The following POFUT1 variants were observed in gnomAD, a reference collection of about 807,000 sequenced individuals.
The protein encoded by POFUT1 is GDP-fucose protein O-fucosyltransferase 1.
In POFUT1, 16 loss-of-function variants were observed where a neutral mutation model predicts 42.4. The ratio of observed to expected loss-of-function variants is 0.38; its 90% confidence interval spans 0.26 to 0.57. The LOEUF (loss-of-function observed/expected upper bound fraction) is 0.57. POFUT1 is among the 20% of genes least tolerant of loss of function. The probability of loss-of-function intolerance (pLI) is 0.71; values close to 1 mark genes in which losing one functional copy is unlikely to be tolerated. For missense variants in POFUT1, 470 were observed against 504.6 expected (o/e 0.93, Z 0.66); for synonymous variants, 206 against 205.4 (o/e 1.00, Z -0.03).
rs1172395149 is a variant in POFUT1, at chr20:32,230,882, T to G, written c.799T>G (p.Cys267Gly). ...CTCGCACTTCATGGCCTCTCCGCAGTGTGTGGGCTACAGCCGCAGCACAGC... is the reference window on the plus strand; with the variant it reads ...CTCGCACTTCATGGCCTCTCCGCAGGGTGTGGGCTACAGCCGCAGCACAGC... ...AGSHFMASPQCVGYSRSTAAP... is the reference protein window; with the variant it reads ...AGSHFMASPQGVGYSRSTAAP... The change falls in exon 6 of 7, where the codon TGT (cysteine) becomes GGT (glycine). Residue 267 changes from cysteine to glycine, a missense_variant. Physicochemically the swap from Cys to Gly is radical, Grantham distance 159. Coordinates refer to ENST00000375749, the MANE Select transcript of POFUT1 (RefSeq NM_015352.2). 1.9e-6 allele frequency: 3 copies of G among 1,614,082 alleles called. No individual in the cohort carries two copies. Among genetic ancestry groups the G allele is most frequent in the Non-Finnish European group, 2.5e-6 (3 of 1,180,046 alleles).
At chr20:32,216,143 T>G (rs1259567500) in intron 3 of POFUT1, among the ~76,000 whole-genome samples, 1 of 152,196 alleles carries the variant, frequency 6.6e-6, no homozygotes, top group Non-Finnish European at 1.5e-5. Flanking sequence ...GGGAAAGTGG[T>G]TGGAAGAACT....
At chr20:32,222,486 A>G in intron 4 of POFUT1, 2 of 533,466 alleles carry the variant, frequency 3.7e-6, no homozygotes, top group Non-Finnish European at 4.8e-6. Context: ...GTCCATTATA[A>G]CCCTTTTGCT....
rs1271113726 is a variant in POFUT1, at chr20:32,234,673, G to T, written c.*12G>T. The stretch of plus-strand genomic sequence containing the variant: ...GGGACGAGTTCTGATTCTGGCCGGA[G>T]CACCAGACCCTCTGATCCTGGAGGG... On this transcript the variant is annotated 3_prime_UTR_variant, in exon 7 of 7. Transcript: ENST00000375749. 5.7e-6 allele frequency: 9 copies of T among 1,591,652 alleles called. No individual in the cohort carries two copies. In the East Asian group the frequency reaches 1.8e-4, roughly 32 times the overall value.
chr20:32,214,132 AT>A (rs67454108), intron 2 of POFUT1, among the ~76,000 whole-genome samples: 3 of 149,572 alleles, frequency 2.0e-5, no homozygotes, highest in African/African-American at 4.9e-5. Context: ...AAAAAAAAAA[AT>A]TTTTTTTTTG....
chr20:32,234,583 GC>G lies in POFUT1; in HGVS notation c.1090del (p.Arg364GlyfsTer42). 6.2e-7 allele frequency: 1 copy of G among 1,614,216 alleles called. No homozygotes were observed. The highest frequency in any genetic ancestry group is 8.5e-7 in the Non-Finnish European group (1 of 1,180,024). On this transcript the variant is annotated frameshift_variant, in exon 7 of 7. Coordinates refer to ENST00000375749, the MANE Select transcript of POFUT1 (RefSeq NM_015352.2). LOFTEE classifies it high-confidence loss of function. ...TCTCCTCCTTCACTGCCTTTGTGAA[GC>G]GGGAGCGGGACCTCCAGGGGAGGCC... ...CVSSFTAFVK[R>X]ERDLQGRPSS...
chr20:32,224,230 A>G (rs1292942888), intron 4 of POFUT1, among the ~76,000 whole-genome samples: 1 of 152,062 alleles, frequency 6.6e-6, no homozygotes, highest in Non-Finnish European at 1.5e-5. Flanking sequence ...CGTCTCTACT[A>G]AAAATACAAA....
At chr20:32,218,542 C>G (rs2047374045) in intron 4 of POFUT1, among the ~76,000 whole-genome samples, 1 of 152,220 alleles carries the variant, frequency 6.6e-6, no homozygotes, top group African/African-American at 2.4e-5. Context: ...GGACCTAGTT[C>G]ATGTGCCACT....
rs2047470000 is a variant in POFUT1 at position 32,236,228 on chromosome 20, T to A, written c.*1567T>A. The A allele has an allele frequency of 6.6e-6, 1 of 152,268 alleles. No individual in the cohort carries two copies. The highest frequency in any genetic ancestry group is 1.5e-5 in the Non-Finnish European group (1 of 68,064). 9.4% of individuals were successfully genotyped at this position (152,268 alleles called of 1,614,324 possible). On this transcript the variant is annotated 3_prime_UTR_variant, in exon 7 of 7. Transcript: ENST00000375749. ...GAGCCCGTACACTCCCTGCCACCAC[T>A]AGGTTGTAAGCCTGTAGCTGGCTGG... is the stretch of plus-strand genomic sequence containing the variant.
At chr20:32,216,488 C>G (rs2047361028) in intron 3 of POFUT1, 121 bp from the exon 4 acceptor site, 4 of 663,160 alleles carry the variant, frequency 6.0e-6, no homozygotes, top group Non-Finnish European at 8.3e-6. Flanking sequence ...CTAGGCCATC[C>G]TGTGAGAGTG....
rs1438903781 is a variant in POFUT1, at chr20:32,238,633, A to G, written c.*3972A>G. On this transcript the variant is annotated 3_prime_UTR_variant, in exon 7 of 7. Coordinates refer to ENST00000375749, the MANE Select transcript of POFUT1 (RefSeq NM_015352.2). ...TATAAATAAAAAATTGTGAGTAATA[A>G]AATGAACTCACAGTTTCAACAATGA... 2.0e-5 allele frequency: 3 copies of G among 152,216 alleles called. No individual in the cohort carries two copies. Among genetic ancestry groups the G allele is most frequent in the African/African-American group, 7.2e-5 (3 of 41,456 alleles). 9.4% of individuals were successfully genotyped at this position (152,216 alleles called of 1,614,324 possible). A position where few individuals can be genotyped will look rare whatever the true frequency, so the allele number is the denominator to read the frequency against.
chr20:32,232,813 C>T (rs1225825673), intron 6 of POFUT1, among the ~76,000 whole-genome samples: 1 of 152,144 alleles, frequency 6.6e-6, no homozygotes, highest in Admixed American at 6.5e-5. Context: ...TGCCAGTCTT[C>T]TCATCCCTCC....
At chr20:32,227,188 T>G (rs1600392431) in intron 4 of POFUT1, among the ~76,000 whole-genome samples, 1 of 152,084 alleles carries the variant, frequency 6.6e-6, no homozygotes, top group African/African-American at 2.4e-5. Flanking sequence ...TGGGTTTAGC[T>G]GAAGAGGGAA....
intron 2 of POFUT1, among the ~76,000 whole-genome samples, chr20:32,211,377 G>A (rs545568759): frequency 6.6e-5 from 10 of 151,702 alleles, no homozygotes; most frequent in Non-Finnish European, 1.5e-4. Context: ...GGGTTCAAGC[G>A]ATTCTCCTGC....
Position 32,234,509 on chromosome 20 carries a change from G to T in POFUT1, c.1015G>T (p.Val339Phe), listed in dbSNP as rs1413092195. Residue 339 changes from valine to phenylalanine, a missense_variant, in exon 7 of 7, where the codon GTC becomes TTC. Physicochemically the swap from Val to Phe is conservative, Grantham distance 50. Coordinates refer to ENST00000375749, the MANE Select transcript of POFUT1 (RefSeq NM_015352.2). ...VVSLKPEVAQ[V>F]DLYILGQADH... ...GAGCCTGAAGCCTGAGGTGGCCCAG[G>T]TCGACCTGTACATCCTCGGCCAAGC... 10 of 1,613,106 alleles carry T rather than the reference G, an allele frequency of 6.2e-6. No individual in the cohort carries two copies. The South Asian group carries it at 9.9e-5, about 16-fold the overall frequency.
At chr20:32,229,760 ACTC>A (rs1230394596) in intron 5 of POFUT1, among the ~76,000 whole-genome samples, 2 of 150,782 alleles carry the variant, frequency 1.3e-5, no homozygotes, top group African/African-American at 4.9e-5. Flanking sequence ...ACCACTGTTA[ACTC>A]CTCCTCCTTC....
chr20:32,238,059 A>G lies in POFUT1; in HGVS notation c.*3398A>G. ...GGATAAATGCTCTTAATTATAAAAAATTCTGTCGAGGAGTGTTCCATAGTT... is the reference window on the plus strand; with the variant it reads ...GGATAAATGCTCTTAATTATAAAAAGTTCTGTCGAGGAGTGTTCCATAGTT... On this transcript the variant is annotated 3_prime_UTR_variant, in exon 7 of 7. Transcript: ENST00000375749. 1 of 335,606 alleles carries G rather than the reference A, an allele frequency of 3.0e-6. No homozygotes were observed. Among genetic ancestry groups the G allele is most frequent in the Non-Finnish European group, 5.9e-6 (1 of 168,658 alleles). 20.8% of individuals were successfully genotyped at this position (335,606 alleles called of 1,614,324 possible).
chr20:32,216,600 T>C lies in POFUT1; in HGVS notation c.430-9T>C. ...CATCAGTAAGCCTTCCACCACTCTCTTTCTGCAGGAAGGAAACCCCTTTGG... is the reference window on the plus strand; with the variant it reads ...CATCAGTAAGCCTTCCACCACTCTCCTTCTGCAGGAAGGAAACCCCTTTGG... On this transcript the variant is annotated splice_polypyrimidine_tract_variant and intron_variant, in intron 3 of 6. Coordinates refer to ENST00000375749, the MANE Select transcript of POFUT1 (RefSeq NM_015352.2). 1 of 1,575,106 alleles carries C rather than the reference T, an allele frequency of 6.3e-7. No individual in the cohort carries two copies. Among genetic ancestry groups the C allele is most frequent in the East Asian group, 2.2e-5 (1 of 44,726 alleles).
At chr20:32,219,688 G>A (rs1384598126) in intron 4 of POFUT1, among the ~76,000 whole-genome samples, 2 of 151,804 alleles carry the variant, frequency 1.3e-5, no homozygotes, top group Non-Finnish European at 2.9e-5. Flanking sequence ...TAGTAGAGAC[G>A]GGGTTTCACC....
intron 1 of POFUT1, 109 bp from the exon 2 acceptor site, chr20:32,209,962 C>T: frequency 3.3e-6 from 4 of 1,214,870 alleles, no homozygotes; most frequent in Non-Finnish European, 4.8e-6. Flanking sequence ...CCTAGTTCTC[C>T]TTGGTATCCC....
Sources: gnomAD v4.1 joint callset for allele counts (sites outside exome capture counted in the v4.1 genomes callset) on GRCh38, gnomAD v4.1.1 for gene constraint, MANE v1.5 for transcripts, NCBI Gene and HGNC (gene_info 2026-07-23, HGNC 2026-07-21) for gene names.